MVK: variants seen among roughly 807,000 people sequenced by gnomAD.
MVK encodes mevalonate kinase, also known as LH receptor mRNA-binding protein.
MVK carries 34 observed loss-of-function variants against 43.2 expected under a neutral mutation model. The ratio of observed to expected loss-of-function variants is 0.79; its 90% CI spans 0.60 to 1.05. MVK has a LOEUF of 1.05. MVK is among the 50% of genes least tolerant of loss of function. The pLI, the probability that MVK is intolerant of heterozygous loss-of-function variation, is 0.00. For synonymous variants in MVK, 190 were observed against 219.8 expected, an observed-to-expected ratio of 0.86 and a Z score of 1.20; for missense variants, 395 against 504.0, an observed-to-expected ratio of 0.78 and a Z score of 2.07.
upstream of MVK, chr12:109,573,510 C>A (rs991767550): frequency 1.8e-5 from 29 of 1,581,406 alleles, no homozygotes; most frequent in African/African-American, 2.7e-5. Flanking sequence ...GACCTGACCC[C>A]GCCAGGTTCC....
chr12:109,579,777 G>A, intron 3 of MVK, 25 bp from the exon 4 acceptor site: 1 of 1,614,162 alleles, frequency 6.2e-7, no homozygotes, highest in Non-Finnish European at 8.5e-7. Context: ...ACCCACTTGT[G>A]TTTGCTTGTT....
At chr12:109,591,840 T>A (rs995072632) in intron 9 of MVK, among the ~76,000 whole-genome samples, 21 of 152,368 alleles carry the variant, frequency 1.4e-4, no homozygotes, top group African/African-American at 5.0e-4. Flanking sequence ...CACTGCCATT[T>A]GCATAATTCT....
intron 9 of MVK, 136 bp downstream of exon 9, chr12:109,591,493 C>T (rs1015149686): frequency 2.5e-6 from 2 of 803,030 alleles, no homozygotes; most frequent in African/African-American, 1.7e-5. Flanking sequence ...GGCCTATGCT[C>T]TCAGCTGGGC....
At chr12:109,574,738 G>A in intron 1 of MVK, 71 bp from the exon 2 acceptor site, 1 of 1,292,506 alleles carries the variant, frequency 7.7e-7, no homozygotes, top group Non-Finnish European at 1.1e-6. Flanking sequence ...TGAACTAGGT[G>A]TTCTAAGATC....
intron 4 of MVK, among the ~76,000 whole-genome samples, chr12:109,581,011 G>C (rs1008217257): frequency 6.6e-6 from 1 of 151,974 alleles, no homozygotes; most frequent in South Asian, 2.1e-4. Flanking sequence ...AGATGGGTAG[G>C]GATTTCTCTG....
At chr12:109,587,742 C>G (rs1885499946) in intron 7 of MVK, 1 of 152,508 alleles carries the variant, frequency 6.6e-6, no homozygotes, top group African/African-American at 2.4e-5. Flanking sequence ...AGCGCCACAC[C>G]TGGGCCCCCG....
In MVK at chr12:109,574,787, TCTC is replaced by T; in HGVS notation, c.-14-21_-14-19del. 1.3e-6 allele frequency: 2 copies of T among 1,557,990 alleles called. No homozygotes were observed. Among genetic ancestry groups the T allele is most frequent in the Non-Finnish European group, 1.7e-6 (2 of 1,145,540 alleles). ...TCTGACATCTAGAGATCTTTGCTCTTCTCATTGGCTTTCCCTTTTAGGATTCCC... is the reference window on the plus strand; with the variant it reads ...TCTGACATCTAGAGATCTTTGCTCTTATTGGCTTTCCCTTTTAGGATTCCC... On this transcript the variant is annotated intron_variant, in intron 1 of 10. Coordinates refer to ENST00000228510, the MANE Select transcript of MVK (RefSeq NM_000431.4).
At chr12:109,575,854 C>T (rs777007942) in intron 2 of MVK, 144 bp from the exon 3 acceptor site, 21 of 964,444 alleles carry the variant, frequency 2.2e-5, no homozygotes, top group Non-Finnish European at 3.2e-5. Flanking sequence ...AGTGGGAGAG[C>T]ATGCCAAGGT....
At chr12:109,593,884 A>C (rs1365647137) in intron 9 of MVK, among the ~76,000 whole-genome samples, 1 of 151,534 alleles carries the variant, frequency 6.6e-6, no homozygotes, top group African/African-American at 2.4e-5. Context: ...TACGTGGCTG[A>C]TTTTTGTATA....
intron 9 of MVK, among the ~76,000 whole-genome samples, chr12:109,593,997 C>T (rs916472674): frequency 1.3e-5 from 2 of 151,892 alleles, no homozygotes; most frequent in East Asian, 1.9e-4. Context: ...GGATTAAAGA[C>T]GTGAGCCACC....
At chr12:109,590,713 C>G (rs1885628670) in intron 7 of MVK, 58 bp from the exon 8 acceptor site, 1 of 1,535,524 alleles carries the variant, frequency 6.5e-7, no homozygotes, top group Non-Finnish European at 9.0e-7. Context: ...GCTCCCAGTC[C>G]TGTCCCAGCT....
chr12:109,580,560 G>A (rs896160355), intron 4 of MVK, among the ~76,000 whole-genome samples: 4 of 152,154 alleles, frequency 2.6e-5, no homozygotes, highest in South Asian at 2.1e-4. Context: ...GATACTTGCC[G>A]TCCGAAGCAG....
At chr12:109,591,489 T>C in intron 9 of MVK, 132 bp downstream of exon 9, 1 of 823,110 alleles carries the variant, frequency 1.2e-6, no homozygotes, top group Non-Finnish European at 2.0e-6. Context: ...CTCTGGCCTA[T>C]GCTCTCAGCT....
chr12:109,588,612 C>T (rs1046229542), intron 7 of MVK: 1 of 152,294 alleles, frequency 6.6e-6, no homozygotes, highest in Non-Finnish European at 1.5e-5. Flanking sequence ...AGTCACTTCT[C>T]CCAGACCTCC....
intron 6 of MVK, 43 bp downstream of exon 6, chr12:109,586,168 A>C (rs1220536302): frequency 6.8e-7 from 1 of 1,476,692 alleles, no homozygotes; most frequent in Admixed American, 1.8e-5. Flanking sequence ...TTATTTTAAA[A>C]ATTCTTATTA....
At chr12:109,573,533 G>T (rs777787317), upstream of MVK, 5 of 1,559,700 alleles carry the variant, frequency 3.2e-6, no homozygotes, top group South Asian at 4.6e-5. Flanking sequence ...TCCAGTCCGC[G>T]GGGTGACTCC....
chr12:109,583,095 T>TTG (rs112808980), intron 5 of MVK, among the ~76,000 whole-genome samples: 4,112 of 151,708 alleles, frequency 0.027, 182 homozygotes, highest in African/African-American at 0.091. Context: ...GTCTGTTTTT[T>TTG]TTTTCTTTTA....
At chr12:109,596,304 G>A in intron 10 of MVK, 122 bp from the exon 11 acceptor site, 1 of 1,408,728 alleles carries the variant, frequency 7.1e-7, no homozygotes, top group Non-Finnish European at 9.7e-7. Flanking sequence ...ATGGCCTGTT[G>A]GCTCAGGTGG....
chr12:109,578,116 C>T (rs1383464086), intron 3 of MVK, among the ~76,000 whole-genome samples: 1 of 152,032 alleles, frequency 6.6e-6, no homozygotes, highest in Non-Finnish European at 1.5e-5. Flanking sequence ...TGGAGGCAGG[C>T]ATTAGGGGTG....
Sources: gnomAD v4.1 joint callset for allele counts (sites outside exome capture counted in the v4.1 genomes callset) on GRCh38, gnomAD v4.1.1 for gene constraint, MANE v1.5 for transcripts, NCBI Gene and HGNC (gene_info 2026-07-23, HGNC 2026-07-21) for gene names.